The following SERPINB9 variants were observed in gnomAD, a reference collection of about 807,000 sequenced individuals.
The protein encoded by SERPINB9 is serpin family B member 9.
In SERPINB9, 20 loss-of-function variants were observed where a neutral mutation model predicts 27.2. That is an observed-to-expected ratio of 0.74 (90% CI 0.52 to 1.07). The LOEUF (loss-of-function observed/expected upper bound fraction) is 1.07. SERPINB9 is among the 50% of genes least tolerant of loss of function. SERPINB9 has a pLI of 0.00. For synonymous variants in SERPINB9, 189 were observed against 180.0 expected, an observed-to-expected ratio of 1.05 and a Z score of -0.40; for missense variants, 476 against 460.1, an observed-to-expected ratio of 1.03 and a Z score of -0.32.
In SERPINB9 at chr6:2,890,577, G is replaced by C. The variant is rs1376204732; in HGVS notation, c.724-7C>G. The C allele has an allele frequency of 6.2e-7, 1 of 1,604,814 alleles. No individual in the cohort carries two copies. The highest frequency in any genetic ancestry group is 1.1e-5 in the South Asian group (1 of 90,466). ...AAGTGAGACTTTTTTCCACCTGAAA[G>C]ACCAGAATTAGACTTTAAGATTCCG... On this transcript the variant is annotated splice_region_variant and splice_polypyrimidine_tract_variant and intron_variant, in intron 6 of 6. Transcript: ENST00000380698. This position sits in a 1 kb window ranked among gnomAD's most constrained non-coding sequence, Gnocchi z 6.2.
chr6:2,895,254 G>A, intron 4 of SERPINB9, 137 bp downstream of exon 4: 1 of 627,006 alleles, frequency 1.6e-6, no homozygotes, highest in Non-Finnish European at 2.9e-6. Context: ...TGGAGAGGTG[G>A]AGGTGGGTGA....
chr6:2,898,213 T>C (rs1033262591), intron 2 of SERPINB9, among the ~76,000 whole-genome samples: 8 of 152,134 alleles, frequency 5.3e-5, no homozygotes, highest in Admixed American at 1.3e-4. Flanking sequence ...GATTTTTTTT[T>C]CTAATATTCA....
intron 1 of SERPINB9, among the ~76,000 whole-genome samples, chr6:2,902,501 G>A (rs1768238995): frequency 6.6e-6 from 1 of 152,078 alleles, no homozygotes; most frequent in Admixed American, 6.5e-5. Flanking sequence ...TGTTGTTGTT[G>A]GTGGTGGTTT....
intron 2 of SERPINB9, among the ~76,000 whole-genome samples, chr6:2,898,891 A>G (rs1768099528): frequency 6.6e-6 from 1 of 152,054 alleles, no homozygotes; most frequent in Non-Finnish European, 1.5e-5. Context: ...TGATGGATTC[A>G]TAGGGATTTT....
chr6:2,892,813 C>T (rs974340686), intron 5 of SERPINB9, among the ~76,000 whole-genome samples: 1 of 151,888 alleles, frequency 6.6e-6, no homozygotes, highest in Non-Finnish European at 1.5e-5. Flanking sequence ...GAAGATTTGG[C>T]AAATTATTCT....
At chr6:2,900,300 A>G (rs994624644) in intron 2 of SERPINB9, 144 bp downstream of exon 2, 19 of 924,220 alleles carry the variant, frequency 2.1e-5, no homozygotes, top group African/African-American at 3.3e-5. Flanking sequence ...TCCCCAGTGG[A>G]CCCCGCCTCC....
At chr6:2,902,968 A>T (rs1024192340) in intron 1 of SERPINB9, among the ~76,000 whole-genome samples, 1 of 152,150 alleles carries the variant, frequency 6.6e-6, no homozygotes, top group Non-Finnish European at 1.5e-5. Flanking sequence ...GCGAGGAGAC[A>T]TCCGGGAGGG....
Position 2,891,829 on chromosome 6 carries a change from T to C in SERPINB9, c.723+4A>G, listed in dbSNP as rs773630334. 6.3e-7 allele frequency: 1 copy of C among 1,593,832 alleles called. No individual in the cohort carries two copies. The highest frequency in any genetic ancestry group is 1.1e-5 in the South Asian group (1 of 90,418). ...CTGGGTTCTTCCCGCAGCCCGGGTCTTACCGTGCTGAGCTCCACGCCGTCG... is the reference window on the plus strand; with the variant it reads ...CTGGGTTCTTCCCGCAGCCCGGGTCCTACCGTGCTGAGCTCCACGCCGTCG... On this transcript the variant is annotated splice_donor_region_variant and intron_variant, in intron 6 of 6. Transcript: ENST00000380698. This position sits in a 1 kb window ranked among gnomAD's most constrained non-coding sequence, Gnocchi z 4.0.
In SERPINB9 at chr6:2,891,902, C is replaced by T; in HGVS notation, c.654G>A (p.Glu218=). The T allele has an allele frequency of 3.1e-6, 5 of 1,613,094 alleles. No homozygotes were observed. Among genetic ancestry groups the T allele is most frequent in the African/African-American group, 1.3e-5 (1 of 75,004 alleles). The change falls in exon 6 of 7, where the codon GAG becomes GAA. Residue 218 remains glutamate, a synonymous_variant. Transcript: ENST00000380698. The surrounding 1 kb of genome is among the most constrained non-coding windows in gnomAD (Gnocchi z 4.0). ...TCAGCTCCTTCCTGGCGTAGGGCAG[C>T]TCCAGCAGCTGCGCGCGCACCTCGC... ...HVGEVRAQLL[E]LPYARKELSL...
At chr6:2,897,536 T>G (rs751681923) in intron 2 of SERPINB9, among the ~76,000 whole-genome samples, 34 of 152,128 alleles carry the variant, frequency 2.2e-4, no homozygotes, top group Non-Finnish European at 4.4e-4. Context: ...AATCAAAATA[T>G]GGGTGATATA....
Position 2,901,709 on chromosome 6 carries a change from T to C in SERPINB9, c.-10-1088A>G, listed in dbSNP as rs552557534. Among the ~76,000 whole-genome samples, 224 of 152,024 alleles carry C rather than the reference T, an allele frequency of 1.5e-3. 1 individual carries two copies. The highest frequency in any genetic ancestry group is 5.0e-3 in the African/African-American group (207 of 41,482). On this transcript the variant is annotated intron_variant, in intron 1 of 6. Transcript: ENST00000380698. ...AGCCTGGGAGACCTCCCTGACTCCT[T>C]TCCATCTCCCCCTCCTCCCCCACAC...
At chr6:2,901,704 C>G (rs1184674260) in intron 1 of SERPINB9, among the ~76,000 whole-genome samples, 2 of 152,046 alleles carry the variant, frequency 1.3e-5, no homozygotes, top group Non-Finnish European at 2.9e-5. Flanking sequence ...ACCTCCCTGA[C>G]TCCTTTCCAT....
chr6:2,889,511 C>A lies in SERPINB9; in HGVS notation c.*652G>T, dbSNP rs9392443. ...GAGATCGACACCATCCTGGCTAACA[C>A]GGTGAAACCCCGTCTCTACTAAAAA... is the stretch of plus-strand genomic sequence containing the variant. On this transcript the variant is annotated 3_prime_UTR_variant, in exon 7 of 7. Coordinates refer to ENST00000380698, the MANE Select transcript of SERPINB9 (RefSeq NM_004155.6). 1 of 151,526 alleles carries A rather than the reference C, an allele frequency of 6.6e-6. No homozygotes were observed. The highest frequency in any genetic ancestry group is 1.5e-5 in the Non-Finnish European group (1 of 67,948). 9.4% of individuals were successfully genotyped at this position (151,526 alleles called of 1,614,324 possible).
In SERPINB9 at chr6:2,891,746, T is replaced by C; in HGVS notation, c.723+87A>G. 1 of 1,464,086 alleles carries C rather than the reference T, an allele frequency of 6.8e-7. No homozygotes were observed. Among genetic ancestry groups the C allele is most frequent in the South Asian group, 1.3e-5 (1 of 75,038 alleles). 90.7% of individuals were successfully genotyped at this position (1,464,086 alleles called of 1,614,324 possible). On this transcript the variant is annotated intron_variant, in intron 6 of 6. Transcript: ENST00000380698. The surrounding 1 kb of genome is among the most constrained non-coding windows in gnomAD (Gnocchi z 4.0). ...AGTGTGCGTCTGCCGCATCGCCAACTCAGAAGGTGAATATGAGAGGTGGAA... is the reference window on the plus strand; with the variant it reads ...AGTGTGCGTCTGCCGCATCGCCAACCCAGAAGGTGAATATGAGAGGTGGAA...
In SERPINB9 at chr6:2,890,661, G is replaced by A. The variant is rs564278885; in HGVS notation, c.724-91C>T. Reference sequence around the variant, plus strand: ...CACAGTTCCCTTCCTCCCCTTGCACGTAGGTGTTGTTTGTTCACATAGGAT... The same window carrying A: ...CACAGTTCCCTTCCTCCCCTTGCACATAGGTGTTGTTTGTTCACATAGGAT... On this transcript the variant is annotated intron_variant, in intron 6 of 6. Coordinates refer to ENST00000380698, the MANE Select transcript of SERPINB9 (RefSeq NM_004155.6). The surrounding 1 kb of genome is among the most constrained non-coding windows in gnomAD (Gnocchi z 6.2). The A allele has an allele frequency of 6.2e-5, 79 of 1,266,198 alleles. No individual in the cohort carries two copies. The highest frequency in any genetic ancestry group is 2.1e-4 in the African/African-American group (14 of 67,104). 78.4% of individuals were successfully genotyped at this position (1,266,198 alleles called of 1,614,324 possible). A position where few individuals can be genotyped will look rare whatever the true frequency, so the allele number is the denominator to read the frequency against.
At chr6:2,898,441 A>G (rs1185290556) in intron 2 of SERPINB9, among the ~76,000 whole-genome samples, 1 of 152,214 alleles carries the variant, frequency 6.6e-6, no homozygotes, top group African/African-American at 2.4e-5. Context: ...GGACTGTCTC[A>G]CCGAATCCTC....
At position 2,890,208 on chromosome 6, in the gene SERPINB9, G is replaced by C; in HGVS notation, c.1086C>G (p.Asn362Lys). The change falls in exon 7 of 7, where the codon AAC becomes AAG. Residue 362 changes from asparagine to lysine, a missense_variant. Coordinates refer to ENST00000380698, the MANE Select transcript of SERPINB9 (RefSeq NM_004155.6). This position sits in a 1 kb window ranked among gnomAD's most constrained non-coding sequence, Gnocchi z 6.2. ...DHPFLFFIRHNRANSILFCGR... is the reference protein window; with the variant it reads ...DHPFLFFIRHKRANSILFCGR... ...CACAGAACAGAATGCTGTTGGCTCTGTTGTGCCTGATGAAGAAAAGGAAAG... is the reference window on the plus strand; with the variant it reads ...CACAGAACAGAATGCTGTTGGCTCTCTTGTGCCTGATGAAGAAAAGGAAAG... 6.2e-7 allele frequency: 1 copy of C among 1,614,208 alleles called. No individual in the cohort carries two copies. Among genetic ancestry groups the C allele is most frequent in the Non-Finnish European group, 8.5e-7 (1 of 1,180,028 alleles).
At chr6:2,899,121 T>C (rs1768106383) in intron 2 of SERPINB9, among the ~76,000 whole-genome samples, 1 of 152,078 alleles carries the variant, frequency 6.6e-6, no homozygotes, top group South Asian at 2.1e-4. Context: ...CCTAAGAAGG[T>C]ACCCAGACAA....
intron 1 of SERPINB9, 65 bp from the exon 2 acceptor site, chr6:2,900,686 T>TACAG (rs1561648698): frequency 2.2e-6 from 3 of 1,358,788 alleles, no homozygotes; most frequent in Non-Finnish European, 3.0e-6. Flanking sequence ...ACCTACTTAC[T>TACAG]ACAGGGCAAT....
Sources: allele counts gnomAD v4.1 joint callset (sites outside exome capture counted in the v4.1 genomes callset), GRCh38; gene constraint gnomAD v4.1.1; non-coding constraint Gnocchi (gnomAD v3.1); transcripts MANE v1.5; gene names NCBI Gene and HGNC (gene_info 2026-07-23, HGNC 2026-07-21).